The following SNX14 variants were observed in gnomAD, a reference collection of about 807,000 sequenced individuals.
The protein encoded by SNX14 is sorting nexin-14.
SNX14 carries 93 observed loss-of-function variants against 133.8 expected under a neutral mutation model. That is an observed-to-expected ratio of 0.70 (90% CI 0.59 to 0.83). The LOEUF (loss-of-function observed/expected upper bound fraction) is 0.83, where lower values mean the gene tolerates loss of function less well. Ranked by LOEUF, SNX14 falls within the 40% of genes least tolerant of loss-of-function variation. SNX14 has a pLI of 0.00. For missense variants in SNX14, 945 were observed against 1,094.9 expected (o/e 0.86, Z 1.93); for synonymous variants, 368 against 365.6 (o/e 1.01, Z -0.07).
At chr6:85,581,469 G>A (rs1240635912) in intron 1 of SNX14, 1 of 152,188 alleles carries the variant, frequency 6.6e-6, no homozygotes, top group East Asian at 1.9e-4. Context: ...TCAAGACCAT[G>A]AAGGGAAACA....
chr6:85,542,195 A>T, intron 14 of SNX14, 152 bp from the exon 15 acceptor site: 1 of 523,844 alleles, frequency 1.9e-6, no homozygotes, highest in Non-Finnish European at 3.3e-6. Context: ...TAAGGATGAA[A>T]ATATTGCAAA....
intron 12 of SNX14, among the ~76,000 whole-genome samples, chr6:85,546,269 CA>C (rs780298333): frequency 6.6e-6 from 1 of 152,052 alleles, no homozygotes; most frequent in Non-Finnish European, 1.5e-5. Context: ...TACACACATG[CA>C]AAACTGATCA....
chr6:85,512,264 G>C (rs1291345514), intron 26 of SNX14, among the ~76,000 whole-genome samples: 1 of 152,114 alleles, frequency 6.6e-6, no homozygotes, highest in Admixed American at 6.5e-5. Flanking sequence ...GAAGCACATG[G>C]GGATTTTTCT....
At chr6:85,524,312 T>C (rs991467589) in intron 21 of SNX14, among the ~76,000 whole-genome samples, 5 of 152,326 alleles carry the variant, frequency 3.3e-5, no homozygotes, top group Middle Eastern at 3.4e-3. Flanking sequence ...AAAACACCTA[T>C]ATTTATGTGT....
rs1461904295 is a variant in SNX14 at position 85,567,546 on chromosome 6, T to C, written c.449A>G (p.Tyr150Cys). ...VLELVLENFVYPWYRDVTDDE... is the reference protein window; with the variant it reads ...VLELVLENFVCPWYRDVTDDE... ...AGAAAGAACATACCTGTACCACGGA[T>C]AAACAAAGTTTTCCAACACTAATTC... The change falls in exon 5 of 29, where the codon TAT becomes TGT. Residue 150 changes from tyrosine (Y) to cysteine (C), a missense_variant. Transcript: ENST00000314673. 2.0e-6 allele frequency: 3 copies of C among 1,505,810 alleles called. No individual in the cohort carries two copies. In the East Asian group the frequency reaches 8.0e-5, roughly 40 times the overall value. The allele number at this position is 1,505,810 out of a possible 1,614,324, so 93.3% of individuals were successfully genotyped here.
chr6:85,563,692 T>A (rs879700191), intron 6 of SNX14, among the ~76,000 whole-genome samples: 23 of 151,988 alleles, frequency 1.5e-4, no homozygotes, highest in Admixed American at 3.3e-4. Context: ...CGCGCCTGGC[T>A]GAGAAAAATA....
rs375740095 is a variant in SNX14, at chr6:85,574,285, T to A, written c.234A>T (p.Ile78=). 1.5e-5 allele frequency: 24 copies of A among 1,592,974 alleles called. No individual in the cohort carries two copies. The highest frequency in any genetic ancestry group is 4.0e-5 in the African/African-American group (3 of 74,604). ...TGGGTTTGTATTTTATTGTGAAGAATATATTTGGTAAGAGAGAATCAGGTC... is the reference window on the plus strand; with the variant it reads ...TGGGTTTGTATTTTATTGTGAAGAAAATATTTGGTAAGAGAGAATCAGGTC... ...SLGPDSLLPN[I]FFTIKYKPKQ... is the part of the protein sequence containing the mutation. Residue 78 remains isoleucine (I), a synonymous_variant, in exon 2 of 29, where the codon ATA becomes ATT. Coordinates refer to ENST00000314673, the MANE Select transcript of SNX14 (RefSeq NM_153816.6).
chr6:85,509,443 A>C (rs994526619), intron 26 of SNX14, among the ~76,000 whole-genome samples: 2 of 152,228 alleles, frequency 1.3e-5, no homozygotes, highest in African/African-American at 4.8e-5. Context: ...TTCACAAGGA[A>C]GAGCAGAACT....
intron 6 of SNX14, among the ~76,000 whole-genome samples, chr6:85,564,536 T>C (rs1231605270): frequency 1.3e-5 from 2 of 152,208 alleles, no homozygotes; most frequent in East Asian, 3.8e-4. Context: ...ATGACTTTTT[T>C]CTATAGCTGT....
chr6:85,507,997 C>T lies in SNX14; in HGVS notation c.2716G>A (p.Gly906Ser). 1 of 1,613,466 alleles carries T rather than the reference C, an allele frequency of 6.2e-7. No individual in the cohort carries two copies. The highest frequency in any genetic ancestry group is 8.5e-7 in the Non-Finnish European group (1 of 1,179,648). ...KYESIRLLFD[G>S]LQQPVLNKQL... is the part of the protein sequence containing the mutation. ...TTGTTGAGTACTGGTTGCTGTAAGC[C>T]ATCAAACAGAAGTCTGATGCTTTCA... Residue 906 changes from glycine to serine, a missense_variant, in exon 27 of 29, where the codon GGC (glycine) becomes AGC (serine). By Grantham distance (56) the Gly-to-Ser change is moderately conservative. Around this residue, in one of 3 missense-constraint regions of SNX14, gnomAD observed 412 missense variants for 516.6 expected, o/e 0.80. Coordinates refer to ENST00000314673, the MANE Select transcript of SNX14 (RefSeq NM_153816.6).
chr6:85,512,849 ACT>A (rs1773443533), intron 26 of SNX14, among the ~76,000 whole-genome samples: 1 of 151,500 alleles, frequency 6.6e-6, no homozygotes, highest in Admixed American at 6.6e-5. Flanking sequence ...GTATGACCTC[ACT>A]CTCTGGTGAA....
chr6:85,566,909 A>G lies in SNX14; in HGVS notation c.461+625T>C, dbSNP rs186649594. On this transcript the variant is annotated intron_variant, in intron 5 of 28. Coordinates refer to ENST00000314673, the MANE Select transcript of SNX14 (RefSeq NM_153816.6). The stretch of plus-strand genomic sequence containing the variant: ...TTCAAAATAGATTTCTGTCAAATCT[A>G]AAGTATTTTCTGTATCTTCAAAAGC... Among the ~76,000 whole-genome samples, 16 of 152,276 alleles carry G rather than the reference A, an allele frequency of 1.1e-4. No individual in the cohort carries two copies. In the East Asian group the frequency reaches 2.3e-3, roughly 22 times the overall value.
rs753585987 is a variant in SNX14 at position 85,567,576 on chromosome 6, A to G, written c.419T>C (p.Val140Ala). Residue 140 changes from valine to alanine, a missense_variant and splice_region_variant, in exon 5 of 29, where the codon GTT (valine) becomes GCT (alanine). Val to Ala is a moderately conservative substitution (Grantham distance 64). Around this residue, in one of 3 missense-constraint regions of SNX14, gnomAD observed 514 missense variants for 538.8 expected, o/e 0.95. Coordinates refer to ENST00000314673, the MANE Select transcript of SNX14 (RefSeq NM_153816.6). ...AAAGTTTTCCAACACTAATTCAAGA[A>G]CCTGCATAAACAATTATTTTTTAAA... ...SSKVDASLSE[V>A]LELVLENFVY... 1 of 1,504,804 alleles carries G rather than the reference A, an allele frequency of 6.6e-7. No homozygotes were observed. The highest frequency in any genetic ancestry group is 2.6e-5 in the East Asian group (1 of 38,056). The allele number at this position is 1,504,804 out of a possible 1,614,324, so 93.2% of individuals were successfully genotyped here. A position where few individuals can be genotyped will look rare whatever the true frequency, so the allele number is the denominator to read the frequency against.
Position 85,543,419 on chromosome 6 carries a change from A to G in SNX14, c.1265-113T>C. ...CACACTAGATTGAGAAATTAGACCA[A>G]CCAAGCTCTAGTTCTGACAAATACA... On this transcript the variant is annotated intron_variant, in intron 13 of 28. Coordinates refer to ENST00000314673, the MANE Select transcript of SNX14 (RefSeq NM_153816.6). 2.7e-6 allele frequency: 3 copies of G among 1,121,730 alleles called. No individual in the cohort carries two copies. In the South Asian group the frequency reaches 5.5e-5, roughly 21 times the overall value. 69.5% of individuals were successfully genotyped at this position (1,121,730 alleles called of 1,614,324 possible). A position where few individuals can be genotyped will look rare whatever the true frequency, so the allele number is the denominator to read the frequency against.
At chr6:85,579,696 C>G (rs907241308) in intron 1 of SNX14, among the ~76,000 whole-genome samples, 6 of 152,198 alleles carry the variant, frequency 3.9e-5, no homozygotes, top group African/African-American at 1.4e-4. Context: ...GTCATTTACA[C>G]ATGTCCTGGC....
chr6:85,573,205 C>T (rs1001702952), intron 2 of SNX14, among the ~76,000 whole-genome samples: 4 of 152,118 alleles, frequency 2.6e-5, no homozygotes, highest in South Asian at 2.1e-4. Context: ...CTAGGCCAGG[C>T]GCAGTGGCTC....
At chr6:85,531,024 A>G (rs971700714) in intron 18 of SNX14, among the ~76,000 whole-genome samples, 1 of 152,214 alleles carries the variant, frequency 6.6e-6, no homozygotes, top group Non-Finnish European at 1.5e-5. Flanking sequence ...TGCTCCATGG[A>G]TCTGCATTAA....
intron 12 of SNX14, among the ~76,000 whole-genome samples, chr6:85,544,564 T>C (rs1460538232): frequency 6.6e-6 from 1 of 152,102 alleles, no homozygotes; most frequent in African/African-American, 2.4e-5. Flanking sequence ...TTTGGGAGGC[T>C]GAGGCAGGAG....
At chr6:85,573,505 G>T (rs1240747878) in intron 2 of SNX14, among the ~76,000 whole-genome samples, 2 of 152,018 alleles carry the variant, frequency 1.3e-5, no homozygotes, top group African/African-American at 4.8e-5. Flanking sequence ...AAAAGGAAAA[G>T]ATATCCCACT....
Sources: gnomAD v4.1 joint callset for allele counts (sites outside exome capture counted in the v4.1 genomes callset) on GRCh38, gnomAD v4.1.1 for gene constraint, gnomAD v4.1.1 regional missense constraint, MANE v1.5 for transcripts, NCBI Gene and HGNC (gene_info 2026-07-23, HGNC 2026-07-21) for gene names.